The following ACTR3C variants were observed in gnomAD, a reference collection of about 807,000 sequenced individuals.
The protein encoded by ACTR3C is actin related protein 3C, also known as actin-related protein 3C.
Under a neutral mutation model 26.3 loss-of-function variants are expected in ACTR3C, and 18 were observed. The ratio of observed to expected loss-of-function variants is 0.68; its 90% CI spans 0.47 to 1.01. ACTR3C has a LOEUF of 1.01. ACTR3C is among the 50% of genes least tolerant of loss of function. ACTR3C has a pLI of 0.00. For synonymous variants in ACTR3C, 55 were observed against 94.5 expected (o/e 0.58, Z 2.42); for missense variants, 184 against 250.7 (o/e 0.73, Z 1.80).
the ACTR3C span, among the ~76,000 whole-genome samples, chr7:150,031,895 G>A: frequency 6.6e-6 from 1 of 152,058 alleles, no homozygotes; most frequent in Non-Finnish European, 1.5e-5. Context: ...GGGGAATGTT[G>A]GAATGGAATG....
At chr7:149,950,286 G>A in the ACTR3C span, among the ~76,000 whole-genome samples, 1 of 139,438 alleles carries the variant, frequency 7.2e-6, no homozygotes, top group Admixed American at 6.9e-5. Flanking sequence ...GCCCTCCAGT[G>A]TATTTCACAA....
At chr7:150,043,039 C>T in the ACTR3C span, among the ~76,000 whole-genome samples, 3 of 151,702 alleles carry the variant, frequency 2.0e-5, no homozygotes, top group Non-Finnish European at 2.9e-5. Context: ...TTGGGATCCA[C>T]AGTCTACAAA....
intron 6 of ACTR3C, among the ~76,000 whole-genome samples, chr7:150,270,518 G>T (rs950015174): frequency 6.7e-5 from 10 of 148,484 alleles, no homozygotes; most frequent in Non-Finnish European, 1.5e-4. Context: ...CACACACCTG[G>T]CAGTCTAGAA....
chr7:150,047,073 A>G, the ACTR3C span, among the ~76,000 whole-genome samples: 1 of 151,038 alleles, frequency 6.6e-6, no homozygotes, highest in East Asian at 2.0e-4. Flanking sequence ...CGCTGGGGGG[A>G]AAAAGTGTCT....
the ACTR3C span, among the ~76,000 whole-genome samples, chr7:150,166,934 T>C: frequency 1.3e-5 from 2 of 150,482 alleles, no homozygotes; most frequent in African/African-American, 5.0e-5. Context: ...TTATTTCAAC[T>C]AACATGACAA....
chr7:150,150,445 C>T, the ACTR3C span, among the ~76,000 whole-genome samples: 1 of 151,896 alleles, frequency 6.6e-6, no homozygotes. Context: ...ACAAATCACC[C>T]TCTTAGTGTC....
At chr7:150,095,020 C>T in the ACTR3C span, among the ~76,000 whole-genome samples, 16 of 146,920 alleles carry the variant, frequency 1.1e-4, no homozygotes, top group Non-Finnish European at 1.5e-4. Context: ...CCACAATCCC[C>T]GAGGTCCAGC....
At chr7:150,002,130 C>G in the ACTR3C span, 2 of 152,290 alleles carry the variant, frequency 1.3e-5, no homozygotes, top group Non-Finnish European at 2.9e-5. Context: ...GAGGACAGTG[C>G]TGGTCCCAGA....
chr7:150,161,756 G>A, the ACTR3C span, among the ~76,000 whole-genome samples: 1 of 152,074 alleles, frequency 6.6e-6, no homozygotes, highest in South Asian at 2.1e-4. Flanking sequence ...GTAAAGACTT[G>A]GGAGGAAAGT....
At chr7:150,048,506 A>T in the ACTR3C span, among the ~76,000 whole-genome samples, 1 of 151,958 alleles carries the variant, frequency 6.6e-6, no homozygotes, top group Non-Finnish European at 1.5e-5. Context: ...GAGTCCCGGG[A>T]GCTGAGGGTT....
the ACTR3C span, among the ~76,000 whole-genome samples, chr7:150,199,980 C>G: frequency 6.6e-6 from 1 of 152,118 alleles, no homozygotes; most frequent in Non-Finnish European, 1.5e-5. Flanking sequence ...CCAGCAAAAA[C>G]TCATAATTAC....
chr7:150,120,213 A>G, the ACTR3C span, among the ~76,000 whole-genome samples: 1 of 152,232 alleles, frequency 6.6e-6, no homozygotes, highest in East Asian at 1.9e-4. Context: ...AAGCTAGCAG[A>G]AGAGAGTAAA....
chr7:150,021,768 C>T, the ACTR3C span, among the ~76,000 whole-genome samples: 1 of 151,914 alleles, frequency 6.6e-6, no homozygotes, highest in Non-Finnish European at 1.5e-5. Context: ...TGGTCTCCAA[C>T]TCTGTCCAGG....
the ACTR3C span, among the ~76,000 whole-genome samples, chr7:150,008,762 T>G: frequency 6.6e-6 from 1 of 151,208 alleles, no homozygotes; most frequent in East Asian, 1.9e-4. Flanking sequence ...CCATTTTTAC[T>G]TGACTTCCCC....
At chr7:150,006,764 A>C in the ACTR3C span, among the ~76,000 whole-genome samples, 151 of 152,228 alleles carry the variant, frequency 9.9e-4, 1 homozygote, top group African/African-American at 3.2e-3. Flanking sequence ...TTGTATTCCC[A>C]AAAAAATATA....
intron 3 of ACTR3C, among the ~76,000 whole-genome samples, chr7:150,291,516 T>C (rs187750063): frequency 2.8e-4 from 43 of 152,360 alleles, no homozygotes; most frequent in African/African-American, 9.9e-4. Flanking sequence ...TTTTATTTCT[T>C]CAAATTTGTC....
the ACTR3C span, chr7:150,005,234 G>C: frequency 6.6e-6 from 1 of 152,298 alleles, no homozygotes; most frequent in African/African-American, 2.4e-5. Flanking sequence ...ACAGGTGGGA[G>C]AGCAGGTAGG....
chr7:149,892,506 G>A, the ACTR3C span: 12 of 1,020,440 alleles, frequency 1.2e-5, 1 homozygote, highest in Admixed American at 2.8e-4. Flanking sequence ...TCATTGTTAG[G>A]GCTCCATGTG....
the ACTR3C span, among the ~76,000 whole-genome samples, chr7:150,029,218 C>T: frequency 6.6e-6 from 1 of 152,000 alleles, no homozygotes; most frequent in Non-Finnish European, 1.5e-5. Context: ...CTAACCTCTC[C>T]TTCCCCAACT....
Sources: allele counts gnomAD v4.1 joint callset (sites outside exome capture counted in the v4.1 genomes callset), GRCh38; gene constraint gnomAD v4.1.1; transcripts MANE v1.5; gene names NCBI Gene and HGNC (gene_info 2026-07-23, HGNC 2026-07-21).